CALN1: variants seen among roughly 807,000 people sequenced by gnomAD.
CALN1 encodes the protein calneuron 1.
Under a neutral mutation model 30.6 loss-of-function variants are expected in CALN1, and 17 were observed. The ratio of observed to expected loss-of-function variants is 0.56; its 90% CI spans 0.38 to 0.83. The LOEUF is 0.83. Among genes scored for constraint, CALN1 ranks in the 40% least tolerant of loss-of-function variants. The probability of loss-of-function intolerance (pLI) is 0.00; values close to 1 mark genes in which losing one functional copy is unlikely to be tolerated. For synonymous variants in CALN1, 156 were observed against 131.4 expected (o/e 1.19, Z -1.28); for missense variants, 291 against 354.9 (o/e 0.82, Z 1.45).
At chr7:72,011,291 C>T (rs1800067591) in intron 5 of CALN1, among the ~76,000 whole-genome samples, 1 of 152,156 alleles carries the variant, frequency 6.6e-6, no homozygotes, top group South Asian at 2.1e-4. Flanking sequence ...GCCTGCTCCC[C>T]AGTGTCTGGC....
At chr7:72,084,611 T>C (rs1805362772) in intron 4 of CALN1, among the ~76,000 whole-genome samples, 1 of 152,086 alleles carries the variant, frequency 6.6e-6, no homozygotes, top group Non-Finnish European at 1.5e-5. Context: ...TCCACCCGCC[T>C]CGGCCTCCCA....
Position 72,270,446 on chromosome 7 carries a change from T to A in CALN1, c.244+8240A>T, listed in dbSNP as rs563655156. On this transcript the variant is annotated intron_variant, in intron 3 of 6. Coordinates refer to ENST00000395275, the MANE Select transcript of CALN1 (RefSeq NM_031468.4). ...AATATTTTTTAAAATGTATTTTTAT[T>A]TGTATATACACAAAAAAAGAAGATA... is the stretch of plus-strand genomic sequence containing the variant. Among the ~76,000 whole-genome samples, 70 of 152,332 alleles carry A rather than the reference T, an allele frequency of 4.6e-4. 3 individuals are homozygous for A. In the South Asian group the frequency reaches 0.014, roughly 30 times the overall value.
intron 3 of CALN1, among the ~76,000 whole-genome samples, chr7:72,143,667 T>G (rs549577556): frequency 6.6e-6 from 1 of 151,966 alleles, no homozygotes; most frequent in East Asian, 1.9e-4. Flanking sequence ...CCAAGACACA[T>G]AATTGTCAGA....
At chr7:72,158,455 C>A (rs748674746) in intron 3 of CALN1, among the ~76,000 whole-genome samples, 4 of 152,212 alleles carry the variant, frequency 2.6e-5, no homozygotes, top group Admixed American at 6.5e-5. Context: ...TCCAATCCAA[C>A]CTTCGTCCTG....
chr7:72,081,171 A>G (rs1805111459), intron 4 of CALN1, among the ~76,000 whole-genome samples: 1 of 152,148 alleles, frequency 6.6e-6, no homozygotes, highest in African/African-American at 2.4e-5. Flanking sequence ...TATGGAAAAA[A>G]CCATCTTCAG....
At chr7:72,056,776 T>A (rs1396549481) in intron 4 of CALN1, among the ~76,000 whole-genome samples, 1 of 152,114 alleles carries the variant, frequency 6.6e-6, no homozygotes. Context: ...AAAAGATGAA[T>A]ACTAAAAGAT....
intron 2 of CALN1, among the ~76,000 whole-genome samples, chr7:72,354,254 T>G (rs1803097921): frequency 6.6e-6 from 1 of 152,070 alleles, no homozygotes; most frequent in African/African-American, 2.4e-5. Flanking sequence ...ACAAAATAAG[T>G]GTAAGTTCTG....
chr7:72,102,465 A>G lies in CALN1; in HGVS notation c.388+3686T>C, dbSNP rs76739785. 9.0e-3 allele frequency among the ~76,000 whole-genome samples: 1,370 copies of G among 152,178 alleles called. 15 individuals are homozygous for G. Among genetic ancestry groups the G allele is most frequent in the African/African-American group, 0.029 (1,195 of 41,534 alleles). On this transcript the variant is annotated intron_variant, in intron 4 of 6. Transcript: ENST00000395275. ...CTCTGTCGCAAATTTTAAAAACACT[A>G]CAAAGTTGTATTTTTTCCAGTGAGG...
chr7:72,371,842 CATGTT>C (rs1804262665), intron 2 of CALN1, among the ~76,000 whole-genome samples: 1 of 152,192 alleles, frequency 6.6e-6, no homozygotes. Flanking sequence ...ATAAAGTAAG[CATGTT>C]CCACCCTTGC....
intron 5 of CALN1, among the ~76,000 whole-genome samples, chr7:71,949,632 G>A (rs937496527): frequency 2.6e-5 from 4 of 151,784 alleles, no homozygotes; most frequent in African/African-American, 4.8e-5. Context: ...CACCCACCCC[G>A]GCCTCCCAAA....
chr7:71,887,863 G>A (rs1385561854), intron 5 of CALN1, among the ~76,000 whole-genome samples: 1 of 152,124 alleles, frequency 6.6e-6, no homozygotes, highest in Non-Finnish European at 1.5e-5. Context: ...AGTGAATGCT[G>A]CTACCGAGAA....
At chr7:72,502,176 C>G in the CALN1 span, among the ~76,000 whole-genome samples, 1 of 148,868 alleles carries the variant, frequency 6.7e-6, no homozygotes, top group Non-Finnish European at 1.5e-5. Flanking sequence ...TAGAAGAAAC[C>G]TTAAAACCTT....
chr7:71,876,896 G>C (rs1323914426), intron 5 of CALN1, among the ~76,000 whole-genome samples: 1 of 152,140 alleles, frequency 6.6e-6, no homozygotes, highest in Non-Finnish European at 1.5e-5. Context: ...AGTTGGGATG[G>C]TAAAAGATGA....
At chr7:72,499,851 T>C in the CALN1 span, among the ~76,000 whole-genome samples, 37 of 35,930 alleles carry the variant, frequency 1.0e-3, 1 homozygote, top group African/African-American at 2.8e-3. Context: ...CTTTCTTTCT[T>C]TCTTTCTTTC....
At chr7:72,465,617 A>C in the CALN1 span, among the ~76,000 whole-genome samples, 1 of 152,208 alleles carries the variant, frequency 6.6e-6, no homozygotes, top group Admixed American at 6.5e-5. Flanking sequence ...ATAATGTCAC[A>C]GTCAAAATTG....
At chr7:72,082,654 G>A (rs889806028) in intron 4 of CALN1, among the ~76,000 whole-genome samples, 2 of 152,140 alleles carry the variant, frequency 1.3e-5, no homozygotes, top group African/African-American at 2.4e-5. Flanking sequence ...CTCATTGCTC[G>A]CATCACAAGC....
intron 3 of CALN1, among the ~76,000 whole-genome samples, chr7:72,272,087 G>A (rs941688600): frequency 2.0e-5 from 3 of 150,866 alleles, no homozygotes; most frequent in Non-Finnish European, 4.4e-5. Context: ...GTCATCTAGA[G>A]GAGGCAAATA....
At chr7:72,243,682 C>T (rs1356706468) in intron 3 of CALN1, among the ~76,000 whole-genome samples, 2 of 152,088 alleles carry the variant, frequency 1.3e-5, no homozygotes, top group Non-Finnish European at 2.9e-5. Flanking sequence ...AAACCCCTGG[C>T]CCTTCTGAGC....
intron 5 of CALN1, among the ~76,000 whole-genome samples, chr7:71,935,516 A>G (rs978865475): frequency 6.6e-6 from 1 of 152,148 alleles, no homozygotes; most frequent in Non-Finnish European, 1.5e-5. Flanking sequence ...TGAGGTCAGG[A>G]GTTCGAGACC....
Sources: allele counts gnomAD v4.1 joint callset (sites outside exome capture counted in the v4.1 genomes callset), GRCh38; gene constraint gnomAD v4.1.1; transcripts MANE v1.5; gene names NCBI Gene and HGNC (gene_info 2026-07-23, HGNC 2026-07-21).